The following PTK2 variants were observed in gnomAD, a reference collection of about 807,000 sequenced individuals.
PTK2 encodes the protein protein tyrosine kinase 2.
Under a neutral mutation model 150.1 loss-of-function variants are expected in PTK2, and 45 were observed. The ratio of observed to expected loss-of-function variants is 0.30; its 90% CI spans 0.24 to 0.38. The LOEUF is 0.38. Ranked by LOEUF, PTK2 falls within the 10% of genes least tolerant of loss-of-function variation. The pLI is 1.00. For synonymous variants in PTK2, 432 were observed against 449.2 expected (o/e 0.96, Z 0.48); for missense variants, 919 against 1,307.3 (o/e 0.70, Z 4.58).
In PTK2 at chr8:140,880,798, G is replaced by A. The variant is rs565698921; in HGVS notation, c.196-1161C>T. Among the ~76,000 whole-genome samples, 4 of 152,216 alleles carry A rather than the reference G, an allele frequency of 2.6e-5. No individual in the cohort carries two copies. The South Asian group carries it at 8.3e-4, about 32-fold the overall frequency. On this transcript the variant is annotated intron_variant, in intron 3 of 31. Transcript: ENST00000522684. ...GTAACATGTACCATATACAAAAACT[G>A]TCCAAAACCCAGTATATGCACACTG...
chr8:140,810,935 C>T (rs369827983), intron 10 of PTK2, among the ~76,000 whole-genome samples: 3 of 152,370 alleles, frequency 2.0e-5, no homozygotes, highest in African/African-American at 7.2e-5. Context: ...AGCACCAATG[C>T]TGCACAGTTG....
chr8:140,890,670 C>G (rs2100153929), exon 3 of PTK2: 1 of 1,613,898 alleles, frequency 6.2e-7, no homozygotes, highest in African/African-American at 1.3e-5. Context: ...CATACCAGTA[C>G]CCAGGTGAGT....
intron 1 of PTK2, among the ~76,000 whole-genome samples, chr8:140,998,076 T>C (rs1413678129): frequency 6.6e-6 from 1 of 152,216 alleles, no homozygotes; most frequent in Non-Finnish European, 1.5e-5. Flanking sequence ...GACCAAGATA[T>C]GCCTATACTA....
At position 140,674,315 on chromosome 8, in the gene PTK2, A is replaced by G. The variant is rs746135848; in HGVS notation, c.2692T>C (p.Tyr898His). 1.6e-5 allele frequency: 26 copies of G among 1,606,302 alleles called. No individual in the cohort carries two copies. In the African/African-American group the frequency reaches 2.1e-4, roughly 13 times the overall value. The stretch of plus-strand genomic sequence containing the variant: ...ATGCCCACCTTGACACCCTCGTTGT[A>G]GCTGTCAGCAGGGCTGCTGAGGCTG... Residue 898 changes from tyrosine to histidine, a missense_variant, in exon 29 of 32, where the codon TAC becomes CAC. Coordinates refer to ENST00000522684, the Ensembl canonical transcript of PTK2.
At chr8:140,829,535 C>T (rs2100114037) in intron 8 of PTK2, among the ~76,000 whole-genome samples, 2 of 152,128 alleles carry the variant, frequency 1.3e-5, no homozygotes, top group African/African-American at 4.8e-5. Context: ...CCCCATTTTA[C>T]GGATGTGTAA....
At chr8:140,751,672 TA>T (rs1400567430) in intron 17 of PTK2, among the ~76,000 whole-genome samples, 7 of 152,220 alleles carry the variant, frequency 4.6e-5, no homozygotes, top group African/African-American at 1.7e-4. Context: ...TTTGTATTTT[TA>T]GTAGAAGACT....
chr8:140,779,328 G>A (rs1187324277), intron 14 of PTK2, among the ~76,000 whole-genome samples: 1 of 151,828 alleles, frequency 6.6e-6, no homozygotes, highest in African/African-American at 2.4e-5. Flanking sequence ...CCCAAACTAC[G>A]ATGGGGGATG....
chr8:140,779,384 T>C (rs1358916169), intron 14 of PTK2, among the ~76,000 whole-genome samples: 17 of 151,836 alleles, frequency 1.1e-4, no homozygotes, highest in Non-Finnish European at 2.4e-4. Context: ...TTGAGGAACA[T>C]AGGACAGCCT....
chr8:140,726,576 A>G (rs1481793286), intron 22 of PTK2, among the ~76,000 whole-genome samples: 1 of 152,196 alleles, frequency 6.6e-6, no homozygotes, highest in Non-Finnish European at 1.5e-5. Context: ...TAAACATAAC[A>G]GGGCAGAAGA....
intron 21 of PTK2, among the ~76,000 whole-genome samples, chr8:140,737,193 C>T (rs1299663719): frequency 6.6e-6 from 1 of 152,188 alleles, no homozygotes; most frequent in African/African-American, 2.4e-5. Flanking sequence ...GCCTCCACTA[C>T]CCAGGCTCAA....
intron 5 of PTK2, among the ~76,000 whole-genome samples, chr8:140,853,683 C>T (rs1276687710): frequency 2.6e-5 from 4 of 152,124 alleles, no homozygotes; most frequent in Non-Finnish European, 4.4e-5. Flanking sequence ...CTTTATTAAC[C>T]ATGAGTGCTT....
At position 140,853,311 on chromosome 8, in the gene PTK2, C is replaced by T. The variant is rs184978580; in HGVS notation, c.451-6633G>A. ...ACCCATTAACTTGTCATTTACATTACGTATATATCCTAATGCTATCCCTCC... is the reference window on the plus strand; with the variant it reads ...ACCCATTAACTTGTCATTTACATTATGTATATATCCTAATGCTATCCCTCC... On this transcript the variant is annotated intron_variant, in intron 5 of 31. Transcript: ENST00000522684. Among the ~76,000 whole-genome samples, 529 of 150,816 alleles carry T rather than the reference C, an allele frequency of 3.5e-3. 4 individuals are homozygous for T. The highest frequency in any genetic ancestry group is 0.012 in the African/African-American group (502 of 41,076).
intron 4 of PTK2, 42 bp downstream of exon 4, chr8:140,879,429 G>T (rs773525245): frequency 3.3e-6 from 5 of 1,518,414 alleles, no homozygotes; most frequent in Non-Finnish European, 1.8e-6. Context: ...AAAAGCAAAA[G>T]AAATCAAGTG....
At chr8:140,757,023 T>G (rs549840548) in intron 16 of PTK2, among the ~76,000 whole-genome samples, 1 of 152,042 alleles carries the variant, frequency 6.6e-6, no homozygotes, top group African/African-American at 2.4e-5. Context: ...ATTTAGATTA[T>G]GGCTATTTTA....
intron 26 of PTK2, among the ~76,000 whole-genome samples, chr8:140,690,846 T>C (rs983549251): frequency 6.6e-6 from 1 of 152,068 alleles, no homozygotes; most frequent in African/African-American, 2.4e-5. Context: ...TAGACAATGG[T>C]AGTGAAGGGT....
intron 14 of PTK2, among the ~76,000 whole-genome samples, chr8:140,783,163 C>T (rs2100082865): frequency 1.3e-5 from 2 of 152,094 alleles, no homozygotes. Context: ...ATCACTTGAG[C>T]CCAGGAGGTT....
At chr8:140,793,500 T>G (rs2100089828) in intron 12 of PTK2, 116 bp from the exon 13 acceptor site, 1 of 1,083,364 alleles carries the variant, frequency 9.2e-7, no homozygotes, top group Non-Finnish European at 1.3e-6. Flanking sequence ...AATGACCCTT[T>G]AAAGAAAGTT....
At chr8:140,953,722 C>T (rs2100180270) in intron 1 of PTK2, among the ~76,000 whole-genome samples, 1 of 152,182 alleles carries the variant, frequency 6.6e-6, no homozygotes, top group Admixed American at 6.5e-5. Context: ...AGCTGCTCTA[C>T]CAGTCAAGAG....
At chr8:140,872,254 A>G (rs986871481) in intron 4 of PTK2, among the ~76,000 whole-genome samples, 1 of 151,156 alleles carries the variant, frequency 6.6e-6, no homozygotes, top group Non-Finnish European at 1.5e-5. Context: ...CATGTTGGCC[A>G]GGCTGGTCTT....
Sources: allele counts gnomAD v4.1 joint callset (sites outside exome capture counted in the v4.1 genomes callset), GRCh38; gene constraint gnomAD v4.1.1; transcripts MANE v1.5; gene names NCBI Gene and HGNC (gene_info 2026-07-23, HGNC 2026-07-21).